PLEKHA7: variants seen among roughly 807,000 people sequenced by gnomAD.
The protein encoded by PLEKHA7 is pleckstrin homology domain-containing family A member 7.
Under a neutral mutation model 170.0 loss-of-function variants are expected in PLEKHA7, and 104 were observed. The ratio of observed to expected loss-of-function variants is 0.61; its 90% confidence interval spans 0.52 to 0.72. PLEKHA7 has a LOEUF of 0.72. Ranked by LOEUF, PLEKHA7 falls within the 30% of genes least tolerant of loss-of-function variation. The pLI is 0.00. For missense variants in PLEKHA7, 1,615 were observed against 1,671.7 expected (o/e 0.97, Z 0.59); for synonymous variants, 648 against 660.8 (o/e 0.98, Z 0.30).
chr11:16,983,664 C>T (rs141988561), intron 3 of PLEKHA7, among the ~76,000 whole-genome samples: 24 of 152,334 alleles, frequency 1.6e-4, no homozygotes, highest in Admixed American at 5.9e-4. Flanking sequence ...CGCACCACCA[C>T]GCCTCACCAT....
rs1456728420 is a variant in PLEKHA7, at chr11:16,851,225, G to A, written c.662C>T (p.Pro221Leu). 1 of 1,610,912 alleles carries A rather than the reference G, an allele frequency of 6.2e-7. No individual in the cohort carries two copies. The highest frequency in any genetic ancestry group is 1.7e-5 in the Admixed American group (1 of 59,670). Residue 221 changes from proline (P) to leucine (L), a missense_variant, in exon 8 of 27, where the codon CCT (proline) becomes CTT (leucine). Pro to Leu is a moderately conservative substitution (Grantham distance 98). Transcript: ENST00000531066. ...ATATTTGCGGCTTATGCGATCCTCA[G>A]GGGCCACAGGAGAGATCACGTAGCT... ...LPSYVISPVAPEDRISRKYSF... is the reference protein window; with the variant it reads ...LPSYVISPVALEDRISRKYSF...
chr11:16,926,970 T>A (rs1160394602), intron 3 of PLEKHA7, among the ~76,000 whole-genome samples: 1 of 151,850 alleles, frequency 6.6e-6, no homozygotes, highest in Non-Finnish European at 1.5e-5. Context: ...TGTGTGGCCA[T>A]ACAGAAATCC....
intron 3 of PLEKHA7, among the ~76,000 whole-genome samples, chr11:16,968,773 T>C (rs1862534031): frequency 1.3e-5 from 2 of 152,106 alleles, no homozygotes; most frequent in Admixed American, 6.5e-5. Context: ...GCCTGCAAAC[T>C]CAACAAGCCT....
chr11:16,878,686 C>A (rs1855491016), intron 3 of PLEKHA7, among the ~76,000 whole-genome samples: 7 of 152,204 alleles, frequency 4.6e-5, no homozygotes, highest in Admixed American at 4.6e-4. Flanking sequence ...ACTTCCGCCT[C>A]CCAGGTTCAA....
intron 13 of PLEKHA7, among the ~76,000 whole-genome samples, chr11:16,812,104 C>A (rs1849410330): frequency 2.0e-5 from 3 of 152,194 alleles, no homozygotes. Flanking sequence ...TATCTCAAGA[C>A]CAGACAGACT....
intron 4 of PLEKHA7, among the ~76,000 whole-genome samples, chr11:16,859,293 C>T (rs1419042386): frequency 3.3e-5 from 5 of 152,162 alleles, no homozygotes; most frequent in Non-Finnish European, 5.9e-5. Flanking sequence ...ATGCTCTCAA[C>T]GTAGAACATG....
intron 3 of PLEKHA7, among the ~76,000 whole-genome samples, chr11:16,908,703 C>CCA (rs1168035778): frequency 6.6e-6 from 1 of 152,018 alleles, no homozygotes. Flanking sequence ...ACCACGTTGG[C>CCA]CAGAATGGTC....
chr11:17,002,143 C>T (rs564897606), intron 3 of PLEKHA7, among the ~76,000 whole-genome samples: 1 of 152,316 alleles, frequency 6.6e-6, no homozygotes, highest in South Asian at 2.1e-4. Flanking sequence ...TTCTACCCTG[C>T]CTTTCTGAGG....
At chr11:16,915,767 G>C (rs1444536480) in intron 3 of PLEKHA7, among the ~76,000 whole-genome samples, 2 of 149,822 alleles carry the variant, frequency 1.3e-5, no homozygotes, top group Non-Finnish European at 3.0e-5. Context: ...TATCATTGTT[G>C]GACATTTGGG....
intron 15 of PLEKHA7, among the ~76,000 whole-genome samples, chr11:16,802,481 C>T (rs1446434364): frequency 6.6e-6 from 1 of 152,130 alleles, no homozygotes; most frequent in Non-Finnish European, 1.5e-5. Flanking sequence ...TAAGCCAAAG[C>T]AGAATGGGGG....
At chr11:16,792,014 T>C (rs141330718) in intron 19 of PLEKHA7, among the ~76,000 whole-genome samples, 1 of 152,288 alleles carries the variant, frequency 6.6e-6, no homozygotes, top group Admixed American at 6.5e-5. Flanking sequence ...TTTAAGAATT[T>C]TGCAGAGTTC....
At chr11:16,799,002 C>T (rs1848416338) in intron 17 of PLEKHA7, among the ~76,000 whole-genome samples, 1 of 152,244 alleles carries the variant, frequency 6.6e-6, no homozygotes, top group Non-Finnish European at 1.5e-5. Flanking sequence ...TAGACTGGCG[C>T]TGCCCAATAC....
intron 23 of PLEKHA7, chr11:16,786,623 T>A: frequency 1.0e-6 from 1 of 985,320 alleles, no homozygotes; most frequent in Non-Finnish European, 1.2e-6. Flanking sequence ...GGGGCACAGG[T>A]CTAAGACTCA....
At chr11:16,886,010 A>AG (rs1417563602) in intron 3 of PLEKHA7, among the ~76,000 whole-genome samples, 2 of 151,796 alleles carry the variant, frequency 1.3e-5, no homozygotes. Flanking sequence ...AAAAAAAAAA[A>AG]AAGAAAGAAA....
intron 3 of PLEKHA7, among the ~76,000 whole-genome samples, chr11:16,981,093 C>T (rs932287790): frequency 1.3e-5 from 2 of 152,070 alleles, no homozygotes; most frequent in Admixed American, 1.3e-4. Context: ...GTGACAAAAG[C>T]AAATGTGCAT....
chr11:16,908,259 A>T (rs1225620993), intron 3 of PLEKHA7, among the ~76,000 whole-genome samples: 3 of 145,768 alleles, frequency 2.1e-5, no homozygotes, highest in African/African-American at 5.0e-5. Context: ...TGATCAATAA[A>T]AAAAAAAAAA....
intron 3 of PLEKHA7, among the ~76,000 whole-genome samples, chr11:16,899,988 T>C (rs1053396656): frequency 6.6e-6 from 1 of 152,102 alleles, no homozygotes; most frequent in Non-Finnish European, 1.5e-5. Flanking sequence ...CTGGATAAGG[T>C]GTGGGGGGCA....
chr11:16,810,010 C>T (rs748513160), intron 13 of PLEKHA7, among the ~76,000 whole-genome samples: 3 of 152,188 alleles, frequency 2.0e-5, no homozygotes, highest in Non-Finnish European at 4.4e-5. Context: ...AGAAGTGAAT[C>T]TGGGCTTGCA....
chr11:16,851,734 C>A (rs1227888617), intron 7 of PLEKHA7, among the ~76,000 whole-genome samples: 1 of 152,138 alleles, frequency 6.6e-6, no homozygotes, highest in Non-Finnish European at 1.5e-5. Context: ...CAGGTGTGAG[C>A]CACAGTGCCC....
Sources: gnomAD v4.1 joint callset for allele counts (sites outside exome capture counted in the v4.1 genomes callset) on GRCh38, gnomAD v4.1.1 for gene constraint, MANE v1.5 for transcripts, NCBI Gene and HGNC (gene_info 2026-07-23, HGNC 2026-07-21) for gene names.